ZFHX3: variants seen among roughly 807,000 people sequenced by gnomAD.
ZFHX3 encodes zinc finger homeobox protein 3.
A neutral mutation model predicts 279.1 loss-of-function variants in ZFHX3; 42 were observed. The observed-to-expected ratio is 0.15, with a 90% CI of 0.12 to 0.19. The LOEUF is 0.19. Among genes scored for constraint, ZFHX3 ranks in the 10% least tolerant of loss-of-function variants. ZFHX3 has a pLI of 1.00. For missense variants in ZFHX3, 4,981 were observed against 4,754.0 expected, an observed-to-expected ratio of 1.05 and a Z score of -1.40; for synonymous variants, 2,293 against 1,957.8, an observed-to-expected ratio of 1.17 and a Z score of -4.52.
intron 4 of ZFHX3, among the ~76,000 whole-genome samples, chr16:72,871,481 A>G (rs776187802): frequency 6.6e-6 from 1 of 151,996 alleles, no homozygotes. Flanking sequence ...AGCTGGGATT[A>G]CAAGCACGCG....
intron 3 of ZFHX3, among the ~76,000 whole-genome samples, chr16:73,418,178 G>T (rs894075508): frequency 6.6e-6 from 1 of 152,190 alleles, no homozygotes; most frequent in Non-Finnish European, 1.5e-5. Context: ...GAACTTGTAC[G>T]TTATTATAGC....
At chr16:73,129,424 T>A (rs112069708) in intron 7 of ZFHX3, among the ~76,000 whole-genome samples, 1 of 124,960 alleles carries the variant, frequency 8.0e-6, no homozygotes, top group Non-Finnish European at 1.7e-5. Context: ...AGAATTGAAG[T>A]GATATCTAGT....
chr16:73,649,256 G>C (rs559897963), intron 2 of ZFHX3, among the ~76,000 whole-genome samples: 10 of 152,248 alleles, frequency 6.6e-5, no homozygotes, highest in Non-Finnish European at 1.5e-4. Flanking sequence ...TTTTCCCAAA[G>C]TAAAGCTTGC....
intron 3 of ZFHX3, among the ~76,000 whole-genome samples, chr16:73,423,387 C>T (rs184439187): frequency 6.6e-6 from 1 of 152,300 alleles, no homozygotes; most frequent in East Asian, 1.9e-4. Context: ...TCCCAGTTCC[C>T]CTTCATCCTT....
chr16:73,186,461 C>T lies in ZFHX3; in HGVS notation c.-1103-42630G>A, dbSNP rs115820224. Among the ~76,000 whole-genome samples, 505 of 151,852 alleles carry T rather than the reference C, an allele frequency of 3.3e-3. 1 individual carries two copies. Among genetic ancestry groups the T allele is most frequent in the African/African-American group, 0.011 (467 of 41,376 alleles). ...AGAGTTATTAGAGGGTGAACTGAGA[C>T]GACATAAAATACCCAGTAGTGTGCA... On this transcript the variant is annotated intron_variant, in intron 5 of 17. Coordinates refer to the ZFHX3 transcript ENST00000641206.
At chr16:73,154,866 A>G (rs1353500835) in intron 5 of ZFHX3, among the ~76,000 whole-genome samples, 3 of 152,170 alleles carry the variant, frequency 2.0e-5, no homozygotes, top group Non-Finnish European at 4.4e-5. Flanking sequence ...GGATTCCAGC[A>G]TAAAGATAAA....
intron 8 of ZFHX3, 138 bp from the exon 9 acceptor site, chr16:72,798,852 G>GA: frequency 7.2e-7 from 1 of 1,396,490 alleles, no homozygotes; most frequent in Non-Finnish European, 9.3e-7. Flanking sequence ...CTGAATGACA[G>GA]AATCTCTGCG....
intron 1 of ZFHX3, among the ~76,000 whole-genome samples, chr16:73,682,339 T>C (rs2053018799): frequency 6.6e-6 from 1 of 152,136 alleles, no homozygotes; most frequent in South Asian, 2.1e-4. Flanking sequence ...TATATAAAAA[T>C]TAGGGGTTTT....
intron 7 of ZFHX3, among the ~76,000 whole-genome samples, chr16:73,107,787 A>C (rs1275099640): frequency 6.6e-6 from 1 of 152,160 alleles, no homozygotes; most frequent in African/African-American, 2.4e-5. Flanking sequence ...AGGCCAAGGT[A>C]GCAGGGTCGC....
chr16:73,194,578 A>G (rs1042187782), intron 5 of ZFHX3, among the ~76,000 whole-genome samples: 1 of 152,254 alleles, frequency 6.6e-6, no homozygotes, highest in Non-Finnish European at 1.5e-5. Flanking sequence ...TATCTGGTAT[A>G]ATAAAATTAT....
At chr16:73,442,739 G>T (rs1046792436) in intron 3 of ZFHX3, among the ~76,000 whole-genome samples, 1 of 152,128 alleles carries the variant, frequency 6.6e-6, no homozygotes, top group Non-Finnish European at 1.5e-5. Context: ...AAAAGGGCCA[G>T]ATTTGAATAA....
At chr16:72,805,898 CT>C (rs1174021456) in intron 7 of ZFHX3, 80 of 147,232 alleles carry the variant, frequency 5.4e-4, no homozygotes, top group South Asian at 6.4e-4. Context: ...TTCTTTCTTT[CT>C]TTTTTTTTTT....
chr16:73,885,643 G>T (rs2030322068), intron 1 of ZFHX3, among the ~76,000 whole-genome samples: 1 of 152,124 alleles, frequency 6.6e-6, no homozygotes. Context: ...GATGGGAGAA[G>T]GGCTACTGAA....
chr16:73,333,367 A>G (rs1459627281), intron 3 of ZFHX3, among the ~76,000 whole-genome samples: 1 of 152,230 alleles, frequency 6.6e-6, no homozygotes, highest in Non-Finnish European at 1.5e-5. Context: ...ACATAGACAC[A>G]TAATAGACAG....
rs1001233819 is a variant in ZFHX3 at position 73,411,300 on chromosome 16, G to A, written c.-1291+44703C>T. Among the ~76,000 whole-genome samples the A allele has an allele frequency of 3.9e-5, 6 of 152,280 alleles. No individual in the cohort carries two copies. The East Asian group carries it at 9.6e-4, about 24-fold the overall frequency. On this transcript the variant is annotated intron_variant, in intron 3 of 17. Transcript: ENST00000641206. ...AGAGATTAGCAATTAAATTTTATAG[G>A]AGATTTGTGTATTATTGTTAAAATT...
intron 1 of ZFHX3, among the ~76,000 whole-genome samples, chr16:73,024,088 T>C (rs1446946586): frequency 1.3e-5 from 2 of 152,164 alleles, no homozygotes; most frequent in Admixed American, 6.5e-5. Flanking sequence ...CCTCACCCAC[T>C]TGCTCCATAG....
At chr16:73,566,273 T>C (rs1023424304) in intron 2 of ZFHX3, among the ~76,000 whole-genome samples, 2 of 152,222 alleles carry the variant, frequency 1.3e-5, no homozygotes, top group African/African-American at 4.8e-5. Context: ...GTTGAGATGA[T>C]CTCCTCATAG....
At chr16:73,115,283 G>A (rs553394643) in intron 7 of ZFHX3, among the ~76,000 whole-genome samples, 2 of 147,036 alleles carry the variant, frequency 1.4e-5, no homozygotes, top group East Asian at 2.1e-4. Context: ...GCTCATGCCT[G>A]TAATCCCAGC....
chr16:73,112,110 G>C (rs559956300), intron 7 of ZFHX3, among the ~76,000 whole-genome samples: 5 of 152,014 alleles, frequency 3.3e-5, no homozygotes, highest in East Asian at 3.9e-4. Context: ...AGATGCCCCG[G>C]GCATGTTGGA....
Sources: gnomAD v4.1 joint callset for allele counts (sites outside exome capture counted in the v4.1 genomes callset) on GRCh38, gnomAD v4.1.1 for gene constraint, MANE v1.5 for transcripts, NCBI Gene and HGNC (gene_info 2026-07-23, HGNC 2026-07-21) for gene names.